The following ADAMTSL1 variants were observed in gnomAD, a reference collection of about 807,000 sequenced individuals.
ADAMTSL1 encodes the protein ADAMTS like 1, also known as ADAMTS-like protein 1.
In ADAMTSL1, 126 loss-of-function variants were observed where a neutral mutation model predicts 201.8. The ratio of observed to expected loss-of-function variants is 0.62; its 90% confidence interval spans 0.54 to 0.72. The LOEUF (loss-of-function observed/expected upper bound fraction) is 0.72. Among genes scored for constraint, ADAMTSL1 ranks in the 30% least tolerant of loss-of-function variants. The pLI, the probability that ADAMTSL1 is intolerant of heterozygous loss-of-function variation, is 0.00. For missense variants in ADAMTSL1, 2,679 were observed against 2,277.8 expected (o/e 1.18, Z -3.59); for synonymous variants, 1,121 against 903.4 (o/e 1.24, Z -4.32).
At chr9:18,539,658 A>T (rs564104017) in intron 3 of ADAMTSL1, among the ~76,000 whole-genome samples, 6 of 152,240 alleles carry the variant, frequency 3.9e-5, no homozygotes, top group Non-Finnish European at 7.3e-5. Context: ...GTACTGTGAG[A>T]AAAACAACAT....
chr9:18,893,361 G>T (rs938118775), intron 26 of ADAMTSL1, among the ~76,000 whole-genome samples: 2 of 152,126 alleles, frequency 1.3e-5, no homozygotes, highest in African/African-American at 4.8e-5. Flanking sequence ...AGGGACGTAT[G>T]GTGCACCAGT....
chr9:18,675,731 T>C (rs1292168332), intron 9 of ADAMTSL1, 126 bp from the exon 10 acceptor site: 2 of 861,996 alleles, frequency 2.3e-6, no homozygotes, highest in Non-Finnish European at 3.6e-6. Context: ...TTAGTGTTGT[T>C]TTATAGATAC....
In ADAMTSL1 at chr9:18,752,090, CAAAAAAAAAAAA is replaced by C. The variant is rs1166088098; in HGVS notation, c.2007-1190_2007-1179del. On this transcript the variant is annotated intron_variant, in intron 15 of 28. Coordinates refer to ENST00000380548, the MANE Select transcript of ADAMTSL1 (RefSeq NM_001040272.6). ...TGGGCGACAGAGCGAGACTCCGTCT[CAAAAAAAAAAAA>C]AAAAAAAAAAAAAAAAAGAAATACA... Among the ~76,000 whole-genome samples, 3 of 110,626 alleles carry C rather than the reference CAAAAAAAAAAAA, an allele frequency of 2.7e-5. 1 individual carries two copies. Among genetic ancestry groups the C allele is most frequent in the Admixed American group, 2.1e-4 (2 of 9,548 alleles). The allele number at this position is 110,626 out of a possible 152,430, so 72.6% of individuals were successfully genotyped here.
chr9:18,092,125 G>A (rs974454948), intron 1 of ADAMTSL1, among the ~76,000 whole-genome samples: 2 of 152,166 alleles, frequency 1.3e-5, no homozygotes, highest in African/African-American at 2.4e-5. Flanking sequence ...TGTTTGCTTG[G>A]CATCGTCTAT....
intron 14 of ADAMTSL1, among the ~76,000 whole-genome samples, chr9:18,719,411 G>C (rs935380555): frequency 6.6e-6 from 1 of 152,054 alleles, no homozygotes; most frequent in African/African-American, 2.4e-5. Context: ...ACAATGGTGT[G>C]ATCTCAGCTC....
chr9:18,907,192 T>G, intron 28 of ADAMTSL1: 2 of 448,634 alleles, frequency 4.5e-6, no homozygotes, highest in Non-Finnish European at 8.1e-6. Context: ...CAGCCTCCAG[T>G]TCCCCTGCAG....
intron 1 of ADAMTSL1, among the ~76,000 whole-genome samples, chr9:18,131,057 T>G (rs1825930345): frequency 6.6e-6 from 1 of 152,264 alleles, no homozygotes; most frequent in Non-Finnish European, 1.5e-5. Context: ...AGAAAATCCT[T>G]AGAAATAGAG....
intron 23 of ADAMTSL1, among the ~76,000 whole-genome samples, chr9:18,874,257 C>G (rs1188142104): frequency 6.6e-6 from 1 of 152,092 alleles, no homozygotes; most frequent in Non-Finnish European, 1.5e-5. Flanking sequence ...GTTTTACTTC[C>G]TCTTTACCGA....
Position 18,007,699 on chromosome 9 carries a change from G to A in ADAMTSL1, c.87+100777G>A, listed in dbSNP as rs188182167. ...TGAAGCCTTCAACACATTCACAGAA[G>A]TGAAGGGGGAAGCAGAGAAGAGTAT... On this transcript the variant is annotated intron_variant, in intron 1 of 29. Coordinates refer to the ADAMTSL1 transcript ENST00000680146. Among the ~76,000 whole-genome samples, 441 of 152,078 alleles carry A rather than the reference G, an allele frequency of 2.9e-3. 4 individuals carry two copies. The highest frequency in any genetic ancestry group is 4.9e-3 in the Non-Finnish European group (330 of 67,950).
chr9:18,059,454 T>C (rs1822352513), intron 1 of ADAMTSL1, among the ~76,000 whole-genome samples: 1 of 152,194 alleles, frequency 6.6e-6, no homozygotes, highest in Non-Finnish European at 1.5e-5. Flanking sequence ...AAAATGGTGA[T>C]TAGGAAGCTG....
At chr9:18,608,929 A>T (rs1020698081) in intron 4 of ADAMTSL1, among the ~76,000 whole-genome samples, 1 of 152,188 alleles carries the variant, frequency 6.6e-6, no homozygotes, top group South Asian at 2.1e-4. Context: ...CTTCTCCATT[A>T]AAATAAATAA....
At position 18,155,397 on chromosome 9, in the gene ADAMTSL1, A is replaced by G. The variant is rs1341483079; in HGVS notation, c.88-8465A>G. ...CAGTCTGGGTGATGATGATGGAGAT[A>G]AAGTCAGAGCTGTCTGTCACCCACT... On this transcript the variant is annotated intron_variant, in intron 1 of 29. Coordinates refer to the ADAMTSL1 transcript ENST00000680146. Among the ~76,000 whole-genome samples, 3 of 152,032 alleles carry G rather than the reference A, an allele frequency of 2.0e-5. No individual in the cohort carries two copies. The East Asian group carries it at 5.8e-4, about 29-fold the overall frequency.
chr9:18,243,385 C>G (rs962942814), intron 2 of ADAMTSL1, among the ~76,000 whole-genome samples: 2 of 152,146 alleles, frequency 1.3e-5, no homozygotes, highest in African/African-American at 2.4e-5. Context: ...AGATGTGCTT[C>G]TATCCCCACC....
At chr9:18,143,254 C>T (rs1358037273) in intron 1 of ADAMTSL1, among the ~76,000 whole-genome samples, 1 of 152,134 alleles carries the variant, frequency 6.6e-6, no homozygotes, top group Admixed American at 6.6e-5. Flanking sequence ...TCTGAGGAAC[C>T]CCATGGAGCC....
At chr9:17,932,050 G>C (rs969959267) in intron 1 of ADAMTSL1, among the ~76,000 whole-genome samples, 2 of 152,164 alleles carry the variant, frequency 1.3e-5, no homozygotes, top group African/African-American at 4.8e-5. Flanking sequence ...GCACAGGTTT[G>C]GATATCTTTG....
At chr9:18,426,830 C>T (rs747248910) in intron 2 of ADAMTSL1, among the ~76,000 whole-genome samples, 12 of 152,222 alleles carry the variant, frequency 7.9e-5, no homozygotes, top group African/African-American at 7.2e-5. Flanking sequence ...TAATCTGAAA[C>T]GAACAACCTT....
chr9:18,429,002 T>C (rs974599156), intron 2 of ADAMTSL1, among the ~76,000 whole-genome samples: 6 of 152,196 alleles, frequency 3.9e-5, no homozygotes, highest in Non-Finnish European at 8.8e-5. Context: ...AGCTATAAGT[T>C]CCAATGATTT....
intron 2 of ADAMTSL1, among the ~76,000 whole-genome samples, chr9:18,309,628 A>C (rs2132779813): frequency 6.6e-6 from 1 of 152,218 alleles, no homozygotes; most frequent in East Asian, 1.9e-4. Flanking sequence ...ACAACTTATA[A>C]GGGATGTGAA....
intron 20 of ADAMTSL1, among the ~76,000 whole-genome samples, chr9:18,816,697 C>A (rs922339240): frequency 6.4e-5 from 7 of 109,400 alleles, no homozygotes; most frequent in Non-Finnish European, 1.2e-4. Flanking sequence ...CATGCTCTGT[C>A]TTCAAACTCT....
Sources: allele counts gnomAD v4.1 joint callset (sites outside exome capture counted in the v4.1 genomes callset), GRCh38; gene constraint gnomAD v4.1.1; transcripts MANE v1.5; gene names NCBI Gene and HGNC (gene_info 2026-07-23, HGNC 2026-07-21).